GRAMD1C: variants seen among roughly 807,000 people sequenced by gnomAD.
GRAMD1C encodes GRAM domain containing 1C.
In GRAMD1C, 89 loss-of-function variants were observed where a neutral mutation model predicts 97.8. That is an observed-to-expected ratio of 0.91 (90% CI 0.77 to 1.09). The LOEUF (loss-of-function observed/expected upper bound fraction) is 1.09. Ranked by LOEUF, GRAMD1C falls within the 50% of genes least tolerant of loss-of-function variation. The pLI is 0.00. For missense variants in GRAMD1C, 740 were observed against 766.4 expected, an observed-to-expected ratio of 0.97 and a Z score of 0.41; for synonymous variants, 256 against 267.0, an observed-to-expected ratio of 0.96 and a Z score of 0.40.
At chr3:113,940,071 A>G in intron 16 of GRAMD1C, 75 bp downstream of exon 16, 2 of 939,478 alleles carry the variant, frequency 2.1e-6, no homozygotes, top group South Asian at 2.7e-5. Flanking sequence ...ACTTAATTTC[A>G]GTTTCAGAGA....
rs1433981822 is a variant in GRAMD1C, at chr3:113,849,302, T to A, written c.174+4653T>A. Among the ~76,000 whole-genome samples, 5 of 149,282 alleles carry A rather than the reference T, an allele frequency of 3.3e-5. 1 individual carries two copies. The highest frequency in any genetic ancestry group is 7.4e-5 in the Non-Finnish European group (5 of 67,258). On this transcript the variant is annotated intron_variant, in intron 2 of 17. Transcript: ENST00000358160. Reference sequence around the variant, plus strand: ...TTATTTATTTATTTATTTATTTATTTATTTATTTTTTATTGATCATTCTTG... The same window carrying A: ...TTATTTATTTATTTATTTATTTATTAATTTATTTTTTATTGATCATTCTTG...
chr3:113,935,943 C>G (rs543924566), intron 13 of GRAMD1C, among the ~76,000 whole-genome samples: 21 of 152,168 alleles, frequency 1.4e-4, no homozygotes, highest in South Asian at 6.2e-4. Context: ...TGAAATCTTT[C>G]TAATGATCCA....
Position 113,875,168 on chromosome 3 carries a change from ACT to A in GRAMD1C, c.260-311_260-310del, listed in dbSNP as rs1172086181. Among the ~76,000 whole-genome samples, 3 of 151,336 alleles carry A rather than the reference ACT, an allele frequency of 2.0e-5. No individual in the cohort carries two copies. The East Asian group carries it at 5.8e-4, about 29-fold the overall frequency. ...TTTAGGAGAATCCTTCCTGATGCACACTCTCTGCCCTGCCCTCCTCATACCTG... is the reference window on the plus strand; with the variant it reads ...TTTAGGAGAATCCTTCCTGATGCACACTCTGCCCTGCCCTCCTCATACCTG... On this transcript the variant is annotated intron_variant, in intron 3 of 17. Coordinates refer to ENST00000358160, the MANE Select transcript of GRAMD1C (RefSeq NM_017577.5).
At chr3:113,916,668 G>T (rs913342434) in intron 10 of GRAMD1C, among the ~76,000 whole-genome samples, 8 of 152,144 alleles carry the variant, frequency 5.3e-5, no homozygotes, top group Admixed American at 4.6e-4. Flanking sequence ...TGATCAGAGT[G>T]GTGGTACATG....
At chr3:113,885,854 T>C in intron 6 of GRAMD1C, 1 of 1,612,164 alleles carries the variant, frequency 6.2e-7, no homozygotes, top group Non-Finnish European at 8.5e-7. Context: ...TGATCCTGGA[T>C]AACTCCCTAG....
intron 1 of GRAMD1C, among the ~76,000 whole-genome samples, chr3:113,839,799 T>G (rs1322476438): frequency 6.6e-6 from 1 of 152,120 alleles, no homozygotes; most frequent in East Asian, 1.9e-4. Flanking sequence ...AATTATTTCC[T>G]CTATTGTAGA....
chr3:113,935,059 TAA>T (rs1222604592), intron 13 of GRAMD1C, among the ~76,000 whole-genome samples: 3 of 152,188 alleles, frequency 2.0e-5, no homozygotes, highest in Non-Finnish European at 4.4e-5. Flanking sequence ...AACACTTACA[TAA>T]TGCTTATTAT....
chr3:113,881,538 C>G (rs372282685), intron 5 of GRAMD1C, among the ~76,000 whole-genome samples: 8 of 152,178 alleles, frequency 5.3e-5, no homozygotes, highest in African/African-American at 1.9e-4. Flanking sequence ...TGTAGATTAT[C>G]CAGAAAGCTG....
chr3:113,844,503 G>A lies in GRAMD1C; in HGVS notation c.28G>A (p.Val10Met), dbSNP rs562411629. MEGAPTVRQ[V>M]MNEGDSSLAT... is the part of the protein sequence containing the mutation. ...GACTTAGTTTGATATTTGTTTCCAG[G>A]TGATGAATGAAGGGGATTCAAGCCT... The change falls in exon 2 of 18, where the codon GTG becomes ATG. Residue 10 changes from valine to methionine, a missense_variant and splice_region_variant. Physicochemically the swap from Val to Met is conservative, Grantham distance 21. Transcript: ENST00000358160. 29 of 1,590,922 alleles carry A rather than the reference G, an allele frequency of 1.8e-5. No individual in the cohort carries two copies. The highest frequency in any genetic ancestry group is 1.7e-4 in the Middle Eastern group (1 of 6,010).
At chr3:113,893,682 G>A (rs560525397) in intron 6 of GRAMD1C, among the ~76,000 whole-genome samples, 9 of 152,214 alleles carry the variant, frequency 5.9e-5, no homozygotes, top group Non-Finnish European at 1.3e-4. Context: ...GGTTTACCAA[G>A]TACGGTCTGA....
At chr3:113,902,893 C>T (rs2013692) in intron 7 of GRAMD1C, among the ~76,000 whole-genome samples, 41,776 of 151,844 alleles carry the variant, frequency 0.28, 6,630 homozygotes, top group East Asian at 0.42. Flanking sequence ...CACCCTGCCT[C>T]GGCCTCCCAA....
Position 113,946,029 on chromosome 3 carries a change from G to C in GRAMD1C, c.*551G>C, listed in dbSNP as rs977397433. 6.6e-6 allele frequency: 1 copy of C among 152,256 alleles called. No individual in the cohort carries two copies. The highest frequency in any genetic ancestry group is 1.5e-5 in the Non-Finnish European group (1 of 68,016). The allele number at this position is 152,256 out of a possible 1,614,324, so 9.4% of individuals were successfully genotyped here. On this transcript the variant is annotated 3_prime_UTR_variant, in exon 18 of 18. Coordinates refer to ENST00000358160, the MANE Select transcript of GRAMD1C (RefSeq NM_017577.5). Reference sequence around the variant, plus strand: ...TGCAAATTTAATAGTCAAACTTTTTGAATCTGCATGTTGATGATGATTATC... The same window carrying C: ...TGCAAATTTAATAGTCAAACTTTTTCAATCTGCATGTTGATGATGATTATC...
chr3:113,839,979 T>C (rs1014682464), intron 1 of GRAMD1C, among the ~76,000 whole-genome samples: 1 of 151,790 alleles, frequency 6.6e-6, no homozygotes, highest in Non-Finnish European at 1.5e-5. Context: ...GAGGTTGGAG[T>C]AGAAACTGAT....
chr3:113,848,042 A>G (rs573002027), intron 2 of GRAMD1C, among the ~76,000 whole-genome samples: 50 of 152,376 alleles, frequency 3.3e-4, no homozygotes, highest in African/African-American at 1.0e-3. Flanking sequence ...GAGTTAAGCT[A>G]CAGGGATCTG....
rs77975082 is a variant in GRAMD1C at position 113,877,085 on chromosome 3, G to A, written c.459+825G>A. On this transcript the variant is annotated intron_variant, in intron 5 of 17. Coordinates refer to ENST00000358160, the MANE Select transcript of GRAMD1C (RefSeq NM_017577.5). ...CCAGCCTCGAGCATTTGGGTCATGCGATCCTCCAACCTTAGCTTCCCAAGT... is the reference window on the plus strand; with the variant it reads ...CCAGCCTCGAGCATTTGGGTCATGCAATCCTCCAACCTTAGCTTCCCAAGT... 8.1e-3 allele frequency among the ~76,000 whole-genome samples: 1,233 copies of A among 152,142 alleles called. 12 individuals are homozygous for A. The highest frequency in any genetic ancestry group is 0.028 in the African/African-American group (1,176 of 41,506).
intron 9 of GRAMD1C, chr3:113,913,055 T>TAA (rs777396610): frequency 1.8e-6 from 2 of 1,103,414 alleles, no homozygotes; most frequent in East Asian, 5.9e-5. Context: ...ATTAGTGTCC[T>TAA]TACCATTCTT....
intron 17 of GRAMD1C, among the ~76,000 whole-genome samples, chr3:113,944,035 T>C (rs1937942141): frequency 6.6e-6 from 1 of 152,232 alleles, no homozygotes; most frequent in South Asian, 2.1e-4. Context: ...CTTTAGGTGA[T>C]CTTATTCACA....
intron 5 of GRAMD1C, among the ~76,000 whole-genome samples, chr3:113,881,889 G>T (rs776418116): frequency 6.6e-6 from 1 of 152,116 alleles, no homozygotes; most frequent in Non-Finnish European, 1.5e-5. Flanking sequence ...TCAATTTAAT[G>T]AATTAGAAAA....
At chr3:113,835,441 C>T (rs1206481257), upstream of GRAMD1C, among the ~76,000 whole-genome samples, 3 of 152,138 alleles carry the variant, frequency 2.0e-5, no homozygotes, top group Admixed American at 2.0e-4. Flanking sequence ...TGACTCATTG[C>T]AATGAGGGTG....
Sources: allele counts gnomAD v4.1 joint callset (sites outside exome capture counted in the v4.1 genomes callset), GRCh38; gene constraint gnomAD v4.1.1; transcripts MANE v1.5; gene names NCBI Gene and HGNC (gene_info 2026-07-23, HGNC 2026-07-21).